NECTIN2: variants seen among roughly 807,000 people sequenced by gnomAD.
NECTIN2 encodes the protein nectin cell adhesion molecule 2, also known as nectin-2.
Under a neutral mutation model 56.9 loss-of-function variants are expected in NECTIN2, and 23 were observed. That is an observed-to-expected ratio of 0.40 (90% CI 0.29 to 0.57). NECTIN2 has a LOEUF of 0.57. NECTIN2 is among the 20% of genes least tolerant of loss of function. The pLI is 0.38. For synonymous variants in NECTIN2, 302 were observed against 313.8 expected, an observed-to-expected ratio of 0.96 and a Z score of 0.40; for missense variants, 587 against 718.3, an observed-to-expected ratio of 0.82 and a Z score of 2.09.
intron 1 of NECTIN2, among the ~76,000 whole-genome samples, chr19:44,863,457 G>A (rs1384485941): frequency 1.3e-5 from 2 of 152,018 alleles, no homozygotes; most frequent in Admixed American, 6.6e-5. Flanking sequence ...TAACTGTTGG[G>A]TACGCTGTTT....
intron 1 of NECTIN2, among the ~76,000 whole-genome samples, chr19:44,855,617 G>A (rs1423970589): frequency 2.0e-5 from 3 of 151,986 alleles, no homozygotes; most frequent in Admixed American, 6.6e-5. Context: ...CCCCTACTCC[G>A]TCTTCCAGGC....
At chr19:44,854,626 G>A (rs1368259707) in intron 1 of NECTIN2, among the ~76,000 whole-genome samples, 4 of 151,706 alleles carry the variant, frequency 2.6e-5, no homozygotes, top group African/African-American at 9.7e-5. Context: ...TAGCCTGGCT[G>A]ACATGGCGAA....
At chr19:44,873,841 C>A (rs11672399) in intron 3 of NECTIN2, 75 bp from the exon 4 acceptor site, 88,505 of 1,123,156 alleles carry the variant, frequency 0.079, 4,007 homozygotes, top group Admixed American at 0.16. Context: ...CTTTAGCATT[C>A]CTGTCTATCT....
Position 44,874,274 on chromosome 19 carries a change from C to T in NECTIN2, c.894-56C>T. 1 of 1,572,538 alleles carries T rather than the reference C, an allele frequency of 6.4e-7. No individual in the cohort carries two copies. Among genetic ancestry groups the T allele is most frequent in the Non-Finnish European group, 8.7e-7 (1 of 1,143,396 alleles). ...GGTGGGTGTATCTTTAGGGATGAGG[C>T]CTGTGCTCCCCTCTCGACCTTGGTA... is the stretch of plus-strand genomic sequence containing the variant. On this transcript the variant is annotated intron_variant, in intron 4 of 8. Coordinates refer to ENST00000252483, the MANE Select transcript of NECTIN2 (RefSeq NM_001042724.2). The surrounding 1 kb of genome is among the most constrained non-coding windows in gnomAD (Gnocchi z 6.3).
chr19:44,865,350 G>T lies in NECTIN2; in HGVS notation c.168G>T (p.Leu56=), dbSNP rs762545238. 6.2e-7 allele frequency: 1 copy of T among 1,614,124 alleles called. No individual in the cohort carries two copies. Among genetic ancestry groups the T allele is most frequent in the Admixed American group, 1.7e-5 (1 of 60,014 alleles). Residue 56 remains leucine, a synonymous_variant, in exon 2 of 9, where the codon CTG becomes CTT. Coordinates refer to ENST00000252483, the MANE Select transcript of NECTIN2 (RefSeq NM_001042724.2). This position sits in a 1 kb window ranked among gnomAD's most constrained non-coding sequence, Gnocchi z 5.2. ...GCACCGTGGAGCTGCCGTGCCACCTGCTGCCACCTGTTCCTGGACTGTACA... is the reference window on the plus strand; with the variant it reads ...GCACCGTGGAGCTGCCGTGCCACCTTCTGCCACCTGTTCCTGGACTGTACA... ...LGGTVELPCH[L]LPPVPGLYIS...
intron 6 of NECTIN2, 47 bp downstream of exon 6, chr19:44,882,411 TGAG>T: frequency 7.5e-7 from 1 of 1,342,184 alleles, no homozygotes; most frequent in Non-Finnish European, 9.7e-7. Flanking sequence ...GTCGAAGAAC[TGAG>T]GAGTATGGGG....
Position 44,865,267 on chromosome 19 carries a change from C to T in NECTIN2, c.89-4C>T. ...CTACTTCACTCTCTGTCCTCTCTGCCCAGGAGCCCAGGATGTGCGAGTTCA... is the reference window on the plus strand; with the variant it reads ...CTACTTCACTCTCTGTCCTCTCTGCTCAGGAGCCCAGGATGTGCGAGTTCA... On this transcript the variant is annotated splice_region_variant and splice_polypyrimidine_tract_variant and intron_variant, in intron 1 of 8. Coordinates refer to ENST00000252483, the MANE Select transcript of NECTIN2 (RefSeq NM_001042724.2). This position sits in a 1 kb window ranked among gnomAD's most constrained non-coding sequence, Gnocchi z 5.2. 1 of 1,605,248 alleles carries T rather than the reference C, an allele frequency of 6.2e-7. No homozygotes were observed. Among genetic ancestry groups the T allele is most frequent in the Non-Finnish European group, 8.5e-7 (1 of 1,174,432 alleles).
chr19:44,884,424 G>A (rs939225826), intron 6 of NECTIN2, among the ~76,000 whole-genome samples: 1 of 152,120 alleles, frequency 6.6e-6, no homozygotes, highest in Admixed American at 6.5e-5. Flanking sequence ...CAAAGTGCTC[G>A]GATTACAGGC....
At position 44,874,382 on chromosome 19, in the gene NECTIN2, A is replaced by C; in HGVS notation, c.946A>C (p.Ile316Leu). 6.2e-7 allele frequency: 1 copy of C among 1,614,122 alleles called. No homozygotes were observed. Among genetic ancestry groups the C allele is most frequent in the Non-Finnish European group, 8.5e-7 (1 of 1,179,994 alleles). Reference sequence around the variant, plus strand: ...AGTGGCCCAGGGCTCCCAGCTGGTCATCCACGCAGTGGACAGTCTGTTCAA... The same window carrying C: ...AGTGGCCCAGGGCTCCCAGCTGGTCCTCCACGCAGTGGACAGTCTGTTCAA... ...SAVAQGSQLV[I>L]HAVDSLFNTT... Residue 316 changes from isoleucine (I) to leucine (L), a missense_variant, in exon 5 of 9, where the codon ATC becomes CTC. Transcript: ENST00000252483. The surrounding 1 kb of genome is among the most constrained non-coding windows in gnomAD (Gnocchi z 6.3).
intron 6 of NECTIN2, 39 bp downstream of exon 6, chr19:44,882,403 C>G (rs1187734160): frequency 3.7e-6 from 5 of 1,345,156 alleles, no homozygotes; most frequent in East Asian, 3.0e-5. Flanking sequence ...GGAGAGGGGT[C>G]GAAGAACTGA....
At chr19:44,848,826 C>T (rs1968867694) in intron 1 of NECTIN2, among the ~76,000 whole-genome samples, 1 of 152,154 alleles carries the variant, frequency 6.6e-6, no homozygotes, top group Admixed American at 6.6e-5. Context: ...CTCCGTCTTT[C>T]TCTGTATACC....
intron 1 of NECTIN2, among the ~76,000 whole-genome samples, chr19:44,862,017 C>A (rs1334752081): frequency 6.6e-6 from 1 of 152,186 alleles, no homozygotes; most frequent in African/African-American, 2.4e-5. Flanking sequence ...GAATATAAAT[C>A]ATTCTATTAC....
At position 44,871,876 on chromosome 19, in the gene NECTIN2, G is replaced by A; in HGVS notation, c.502G>A (p.Ala168Thr). 6.2e-7 allele frequency: 1 copy of A among 1,613,620 alleles called. No homozygotes were observed. Among genetic ancestry groups the A allele is most frequent in the Non-Finnish European group, 8.5e-7 (1 of 1,179,572 alleles). Reference protein sequence around the residue: ...VIAKPKNQAEAQKVTFSQDPT... With the variant: ...VIAKPKNQAETQKVTFSQDPT... ...AGCCAAGCCCAAGAACCAAGCTGAGGCCCAGAAGGTCACGTTCAGCCAGGA... is the reference window on the plus strand; with the variant it reads ...AGCCAAGCCCAAGAACCAAGCTGAGACCCAGAAGGTCACGTTCAGCCAGGA... Residue 168 changes from alanine (A) to threonine (T), a missense_variant, in exon 3 of 9, where the codon GCC (alanine) becomes ACC (threonine). Transcript: ENST00000252483.
chr19:44,856,106 G>A (rs903814478), intron 1 of NECTIN2, among the ~76,000 whole-genome samples: 3 of 152,182 alleles, frequency 2.0e-5, no homozygotes, highest in Non-Finnish European at 4.4e-5. Flanking sequence ...TTCGAGGCCA[G>A]CCTGGCCAAG....
At position 44,873,902 on chromosome 19, in the gene NECTIN2, C is replaced by G; in HGVS notation, c.776-14C>G. On this transcript the variant is annotated splice_polypyrimidine_tract_variant and intron_variant, in intron 3 of 8. Transcript: ENST00000252483. ...TTCTCCTCCTTGCTGATCCAGTCCCCCCATTTCCCCCAGACCCTCCTGAAG... is the reference window on the plus strand; with the variant it reads ...TTCTCCTCCTTGCTGATCCAGTCCCGCCATTTCCCCCAGACCCTCCTGAAG... 1 of 1,591,602 alleles carries G rather than the reference C, an allele frequency of 6.3e-7. No individual in the cohort carries two copies. Among genetic ancestry groups the G allele is most frequent in the Non-Finnish European group, 8.6e-7 (1 of 1,160,174 alleles).
At chr19:44,848,627 G>A (rs1323260285) in intron 1 of NECTIN2, among the ~76,000 whole-genome samples, 2 of 148,002 alleles carry the variant, frequency 1.4e-5, no homozygotes, top group Non-Finnish European at 3.0e-5. Context: ...CTTCGCCTCT[G>A]CTGTCCACTG....
chr19:44,886,354 C>G, intron 8 of NECTIN2, 135 bp downstream of exon 8: 1 of 669,684 alleles, frequency 1.5e-6, no homozygotes, highest in Admixed American at 2.7e-5. Context: ...GTGCTTAATG[C>G]ATTGAGATGT....
In NECTIN2 at chr19:44,874,238, G is replaced by GGGGACCTCCTGGTGGGTGTAT. The variant is rs1969210425; in HGVS notation, c.894-92_894-91insGGGACCTCCTGGTGGGTGTAT. The GGGGACCTCCTGGTGGGTGTAT allele has an allele frequency of 1.3e-6, 2 of 1,488,044 alleles. No homozygotes were observed. The highest frequency in any genetic ancestry group is 2.8e-5 in the African/African-American group (2 of 72,074). The allele number at this position is 1,488,044 out of a possible 1,614,324, so 92.2% of individuals were successfully genotyped here. Reference sequence around the variant, plus strand: ...CTCCGGGAGTACTTAGGTCCCTGGAGCTTGGCTCCTGGTGGGTGTATCTTT... The same window carrying GGGGACCTCCTGGTGGGTGTAT: ...CTCCGGGAGTACTTAGGTCCCTGGAGGGGACCTCCTGGTGGGTGTATCTTGGCTCCTGGTGGGTGTATCTTT... On this transcript the variant is annotated intron_variant, in intron 4 of 8. Transcript: ENST00000252483. The surrounding 1 kb of genome is among the most constrained non-coding windows in gnomAD (Gnocchi z 6.3).
chr19:44,876,879 C>A lies in NECTIN2; in HGVS notation c.1042+2401C>A, dbSNP rs141405461. 4.8e-3 allele frequency among the ~76,000 whole-genome samples: 729 copies of A among 152,212 alleles called. 4 individuals carry two copies. Among genetic ancestry groups the A allele is most frequent in the African/African-American group, 0.016 (665 of 41,534 alleles). On this transcript the variant is annotated intron_variant, in intron 5 of 8. Transcript: ENST00000252483. ...TACAGGTATGAGCCAGCACACTAAG[C>A]CTGATTCAGAGCTTTGAACCCTAGA... is the stretch of plus-strand genomic sequence containing the variant.
Sources: gnomAD v4.1 joint callset for allele counts (sites outside exome capture counted in the v4.1 genomes callset) on GRCh38, gnomAD v4.1.1 for gene constraint, Gnocchi (gnomAD v3.1) non-coding constraint, MANE v1.5 for transcripts, NCBI Gene and HGNC (gene_info 2026-07-23, HGNC 2026-07-21) for gene names.